Variants in PRKAG3 observed in about 807,000 individuals in gnomAD.
PRKAG3 encodes protein kinase AMP-activated non-catalytic subunit gamma 3.
In PRKAG3, 39 loss-of-function variants were observed where a neutral mutation model predicts 56.5. That is an observed-to-expected ratio of 0.69 (90% CI 0.53 to 0.90). The LOEUF (loss-of-function observed/expected upper bound fraction) is 0.90, where lower values mean the gene tolerates loss of function less well. Among genes scored for constraint, PRKAG3 ranks in the 40% least tolerant of loss-of-function variants. PRKAG3 has a pLI of 0.00. For synonymous variants in PRKAG3, 243 were observed against 250.1 expected, an observed-to-expected ratio of 0.97 and a Z score of 0.27; for missense variants, 628 against 627.5, an observed-to-expected ratio of 1.00 and a Z score of -0.01.
chr2:218,831,742 C>A (rs201865341), exon 1 of PRKAG3: 3 of 1,611,076 alleles, frequency 1.9e-6, no homozygotes, highest in Non-Finnish European at 2.5e-6. Flanking sequence ...CCATACCCTG[C>A]GCAGTGCGTG....
chr2:218,825,284 C>G lies in PRKAG3; in HGVS notation c.1169-708G>C, dbSNP rs563886991. On this transcript the variant is annotated intron_variant, in intron 10 of 12. Coordinates refer to ENST00000529249, the Ensembl canonical transcript of PRKAG3. ...CTGGGAGGTGGAGGTTGCAGTGAGC[C>G]AAGATTGCACCATTGCATTCTAGCC... Among the ~76,000 whole-genome samples the G allele has an allele frequency of 7.2e-3, 1,040 of 143,668 alleles. 11 individuals carry two copies. The highest frequency in any genetic ancestry group is 0.012 in the Non-Finnish European group (777 of 66,824). 94.3% of individuals were successfully genotyped at this position (143,668 alleles called of 152,430 possible). A position where few individuals can be genotyped will look rare whatever the true frequency, so the allele number is the denominator to read the frequency against.
At position 218,830,780 on chromosome 2, in the gene PRKAG3, C is replaced by T. The variant is rs138801991; in HGVS notation, c.195G>A (p.Ser65=). ...GACCTGGTGGCTCCCCTTCCTCCACCGACTTCTGCCTTGTCCATCTCAAGG... is the reference window on the plus strand; with the variant it reads ...GACCTGGTGGCTCCCCTTCCTCCACTGACTTCTGCCTTGTCCATCTCAAGG... The change falls in exon 3 of 13, where the codon TCG becomes TCA. Residue 65 remains serine, a synonymous_variant. Coordinates refer to ENST00000529249, the Ensembl canonical transcript of PRKAG3. 150 of 1,612,784 alleles carry T rather than the reference C, an allele frequency of 9.3e-5. No individual in the cohort carries two copies. In the African/African-American group the frequency reaches 1.4e-3, roughly 15 times the overall value.
At chr2:218,825,206 C>T (rs897561740) in intron 10 of PRKAG3, among the ~76,000 whole-genome samples, 5 of 151,800 alleles carry the variant, frequency 3.3e-5, no homozygotes, top group Non-Finnish European at 5.9e-5. Flanking sequence ...TGTGATGGCA[C>T]GCACCTGTAA....
chr2:218,831,749 C>T lies in PRKAG3; in HGVS notation c.22G>A (p.Ala8Thr), dbSNP rs760249619. The T allele has an allele frequency of 1.1e-5, 18 of 1,610,762 alleles. No individual in the cohort carries two copies. The African/African-American group carries it at 1.3e-4, about 12-fold the overall frequency. ...TGGGACCCCCATACCCTGCGCAGTG[C>T]GTGCTCCAGCCCGGGCTCCATGTGG... The change falls in exon 1 of 13, where the codon GCA becomes ACA. Residue 8 changes from alanine (A) to threonine (T), a missense_variant. Ala to Thr is a moderately conservative substitution (Grantham distance 58). Coordinates refer to ENST00000529249, the Ensembl canonical transcript of PRKAG3.
intron 4 of PRKAG3, among the ~76,000 whole-genome samples, chr2:218,829,713 C>T (rs985981246): frequency 2.0e-5 from 3 of 152,166 alleles, no homozygotes; most frequent in Non-Finnish European, 2.9e-5. Context: ...GCAGGCATTT[C>T]GATCCCCATT....
chr2:218,828,035 A>G, exon 6 of PRKAG3: 1 of 1,565,824 alleles, frequency 6.4e-7, no homozygotes, highest in Non-Finnish European at 8.7e-7. Context: ...ATGCAGCACC[A>G]GGATGAAGTC....
exon 13 of PRKAG3, chr2:218,823,487 A>G: frequency 2.0e-6 from 1 of 493,618 alleles, no homozygotes; most frequent in South Asian, 2.0e-5. Flanking sequence ...TCAGCTGAAA[A>G]TGGGACAAAG....
downstream of PRKAG3, chr2:218,822,867 T>C: frequency 6.1e-6 from 6 of 984,492 alleles, no homozygotes; most frequent in Non-Finnish European, 6.0e-6. Flanking sequence ...CTAAACCCAC[T>C]GGGGCCATCC....
chr2:218,826,969 A>G (rs745901255), exon 10 of PRKAG3: 1 of 1,614,214 alleles, frequency 6.2e-7, no homozygotes, highest in Non-Finnish European at 8.5e-7. Flanking sequence ...ACGCCGGTCC[A>G]CAAAGATGTC....
exon 3 of PRKAG3, chr2:218,830,847 G>T: frequency 6.2e-7 from 1 of 1,613,834 alleles, no homozygotes; most frequent in Non-Finnish European, 8.5e-7. Flanking sequence ...TGAGCTGCTG[G>T]TCACAGCTGG....
exon 12 of PRKAG3, chr2:218,824,334 T>A (rs761340526): frequency 6.2e-6 from 10 of 1,613,984 alleles, no homozygotes; most frequent in Non-Finnish European, 8.5e-6. Flanking sequence ...CACACTCATG[T>A]CCAGGTGGTT....
intron 5 of PRKAG3, among the ~76,000 whole-genome samples, 156 bp downstream of exon 5, chr2:218,828,363 A>G (rs887993537): frequency 1.3e-5 from 2 of 152,046 alleles, no homozygotes. Flanking sequence ...CCAGCTGGCC[A>G]TGCAGACTCC....
rs1943970527 is a variant in PRKAG3, at chr2:218,828,506, AG to A, written c.715+12del. On this transcript the variant is annotated intron_variant, in intron 5 of 12. Transcript: ENST00000529249. ...CTCCTCCATCTCCCTTCACCTCCCC[AG>A]CCTCTCCTCACCCACAAAGCTCTGC... 1.2e-6 allele frequency: 2 copies of A among 1,610,302 alleles called. No homozygotes were observed. The highest frequency in any genetic ancestry group is 2.7e-5 in the African/African-American group (2 of 74,762).
chr2:218,826,986 A>C (rs745414489), exon 10 of PRKAG3: 20 of 1,614,108 alleles, frequency 1.2e-5, no homozygotes, highest in Middle Eastern at 1.6e-4. Flanking sequence ...TGTCCAGTGC[A>C]GTCAGGATGG....
rs1389718751 is a variant in PRKAG3, at chr2:218,824,217, G to A, written c.1353+5C>T. On this transcript the variant is annotated splice_donor_5th_base_variant and intron_variant, in intron 12 of 12. Transcript: ENST00000529249. Reference sequence around the variant, plus strand: ...TTGGGGGCATGAATGGAGGGCACACGGTACCTGCTCCCGAGCAATCCTGTC... The same window carrying A: ...TTGGGGGCATGAATGGAGGGCACACAGTACCTGCTCCCGAGCAATCCTGTC... 5.0e-6 allele frequency: 8 copies of A among 1,613,970 alleles called. No homozygotes were observed. The highest frequency in any genetic ancestry group is 2.2e-5 in the East Asian group (1 of 44,890).
chr2:218,828,078 GGGA>G lies in PRKAG3; in HGVS notation c.716-19_716-17del. 1 of 1,553,880 alleles carries G rather than the reference GGGA, an allele frequency of 6.4e-7. No homozygotes were observed. The highest frequency in any genetic ancestry group is 8.7e-7 in the Non-Finnish European group (1 of 1,148,048). ...GTCAGCATCCCTGCAGGGAGGGGCG[GGGA>G]GGAGGTCAGCCCGGGGCCTTTGGGT... is the stretch of plus-strand genomic sequence containing the variant. On this transcript the variant is annotated splice_polypyrimidine_tract_variant and intron_variant, in intron 5 of 12. Coordinates refer to ENST00000529249, the Ensembl canonical transcript of PRKAG3.
At position 218,827,810 on chromosome 2, in the gene PRKAG3, T is replaced by C. The variant is rs1298973189; in HGVS notation, c.820+23A>G. On this transcript the variant is annotated intron_variant, in intron 7 of 12. Coordinates refer to ENST00000529249, the Ensembl canonical transcript of PRKAG3. This position sits in a 1 kb window ranked among gnomAD's most constrained non-coding sequence, Gnocchi z 5.3. ...TGGCCCACCATCACCAACAGCCCTT[T>C]CCGGGTTCCTCTCCCCACTCACCCC... is the stretch of plus-strand genomic sequence containing the variant. 6.2e-7 allele frequency: 1 copy of C among 1,612,228 alleles called. No homozygotes were observed. The highest frequency in any genetic ancestry group is 8.5e-7 in the Non-Finnish European group (1 of 1,178,320).
intron 12 of PRKAG3, 90 bp downstream of exon 12, chr2:218,824,132 C>T: frequency 6.3e-7 from 1 of 1,597,316 alleles, no homozygotes; most frequent in Non-Finnish European, 8.6e-7. Flanking sequence ...AAGGATAGGC[C>T]AGGTGCCCGA....
chr2:218,831,708 C>A lies in PRKAG3; in HGVS notation c.33+30G>T, dbSNP rs182440721. On this transcript the variant is annotated intron_variant, in intron 1 of 12. Coordinates refer to ENST00000529249, the Ensembl canonical transcript of PRKAG3. Reference sequence around the variant, plus strand: ...GCTCAATCTTCTGGCCTCAGCTGCCCCGGCTCCGGCTCCCCTGGGACCCCC... The same window carrying A: ...GCTCAATCTTCTGGCCTCAGCTGCCACGGCTCCGGCTCCCCTGGGACCCCC... The A allele has an allele frequency of 9.2e-4, 1,477 of 1,605,272 alleles. 8 individuals are homozygous for A. The African/African-American group carries it at 0.017, about 19-fold the overall frequency.
Sources: gnomAD v4.1 joint callset for allele counts (sites outside exome capture counted in the v4.1 genomes callset) on GRCh38, gnomAD v4.1.1 for gene constraint, Gnocchi (gnomAD v3.1) non-coding constraint, MANE v1.5 for transcripts, NCBI Gene and HGNC (gene_info 2026-07-23, HGNC 2026-07-21) for gene names.